Variants in MCM3 observed in about 807,000 individuals in gnomAD.
The protein encoded by MCM3 is minichromosome maintenance complex component 3, also known as DNA replication licensing factor MCM3.
A neutral mutation model predicts 91.3 loss-of-function variants in MCM3; 59 were observed. That is an observed-to-expected ratio of 0.65 (90% CI 0.52 to 0.80). MCM3 has a LOEUF of 0.80. MCM3 is among the 30% of genes least tolerant of loss of function. MCM3 has a pLI of 0.00. For missense variants in MCM3, 919 were observed against 1,035.4 expected (o/e 0.89, Z 1.54); for synonymous variants, 383 against 379.6 (o/e 1.01, Z -0.10).
rs1764451003 is a variant in MCM3 at position 52,264,078 on chromosome 6, T to C, written c.*510A>G. The C allele has an allele frequency of 6.2e-6, 1 of 160,896 alleles. No homozygotes were observed. The highest frequency in any genetic ancestry group is 2.4e-5 in the African/African-American group (1 of 41,502). 10.0% of individuals were successfully genotyped at this position (160,896 alleles called of 1,614,324 possible). A position where few individuals can be genotyped will look rare whatever the true frequency, so the allele number is the denominator to read the frequency against. The stretch of plus-strand genomic sequence containing the variant: ...GATATTCATCTGGATATTGGGTTTG[T>C]TTTGTGATACAATACATATTCACCT... On this transcript the variant is annotated 3_prime_UTR_variant, in exon 17 of 17. Coordinates refer to ENST00000596288, the MANE Select transcript of MCM3 (RefSeq NM_002388.6).
chr6:52,275,231 A>G (rs758521252), intron 9 of MCM3, among the ~76,000 whole-genome samples: 12 of 152,238 alleles, frequency 7.9e-5, no homozygotes, highest in Non-Finnish European at 1.5e-4. Flanking sequence ...ACACCATCGC[A>G]TCGCAACAAG....
At chr6:52,281,990 A>G (rs1766138928) in intron 4 of MCM3, 55 bp downstream of exon 4, 11 of 1,585,850 alleles carry the variant, frequency 6.9e-6, no homozygotes, top group Non-Finnish European at 9.5e-6. Context: ...TTGCCTTAAA[A>G]CAGGTATCTT....
intron 8 of MCM3, 139 bp from the exon 9 acceptor site, chr6:52,276,615 A>T: frequency 1.4e-6 from 1 of 706,918 alleles, no homozygotes; most frequent in Non-Finnish European, 2.3e-6. Flanking sequence ...CGAGAAACTT[A>T]GAGGAAACCC....
At position 52,266,159 on chromosome 6, in the gene MCM3, T is replaced by C. The variant is rs1175691155; in HGVS notation, c.2159-15A>G. The C allele has an allele frequency of 1.9e-6, 3 of 1,608,054 alleles. No homozygotes were observed. The highest frequency in any genetic ancestry group is 1.1e-5 in the South Asian group (1 of 90,962). Reference sequence around the variant, plus strand: ...TGGAGTGTGTACTTCAGAGGGTTGATGGTTGTAGAGATGGGGAAGATAAGC... The same window carrying C: ...TGGAGTGTGTACTTCAGAGGGTTGACGGTTGTAGAGATGGGGAAGATAAGC... On this transcript the variant is annotated splice_polypyrimidine_tract_variant and intron_variant, in intron 15 of 16. Coordinates refer to ENST00000596288, the MANE Select transcript of MCM3 (RefSeq NM_002388.6).
intron 12 of MCM3, among the ~76,000 whole-genome samples, chr6:52,270,468 A>G (rs1179168088): frequency 6.6e-6 from 1 of 152,228 alleles, no homozygotes; most frequent in East Asian, 1.9e-4. Context: ...TATATCCACA[A>G]TGACATTCAA....
chr6:52,264,355 AAT>A lies in MCM3; in HGVS notation c.*231_*232del, dbSNP rs1437698111. ...GCCAGTGCTTTTGCAATGAAGATGCAATAGTCATTGTCCTCTCCCACTGTCTC... is the reference window on the plus strand; with the variant it reads ...GCCAGTGCTTTTGCAATGAAGATGCAAGTCATTGTCCTCTCCCACTGTCTC... On this transcript the variant is annotated 3_prime_UTR_variant, in exon 17 of 17. Transcript: ENST00000596288. 3 of 520,354 alleles carry A rather than the reference AAT, an allele frequency of 5.8e-6. No homozygotes were observed. The highest frequency in any genetic ancestry group is 1.0e-5 in the Non-Finnish European group (3 of 287,430). The allele number at this position is 520,354 out of a possible 1,614,324, so 32.2% of individuals were successfully genotyped here.
chr6:52,266,051 G>C (rs1439278857), intron 16 of MCM3, 24 bp downstream of exon 16: 1 of 1,607,998 alleles, frequency 6.2e-7, no homozygotes. Context: ...TTCTTGAAGG[G>C]GCAGGAGCAA....
chr6:52,264,873 T>C, intron 16 of MCM3, 87 bp from the exon 17 acceptor site: 1 of 1,099,672 alleles, frequency 9.1e-7, no homozygotes, highest in South Asian at 1.3e-5. Context: ...TCCATAGTAT[T>C]AATACAGTAG....
chr6:52,279,492 G>C lies in MCM3; in HGVS notation c.639C>G (p.Leu213=), dbSNP rs553819985. The part of the protein sequence containing the change: ...EMPEKAPAGQ[L]PRSVDVILDD... The stretch of plus-strand genomic sequence containing the variant: ...CCAGAATGACGTCCACAGAGCGGGG[G>C]AGCTGGCCGGCTGGGGCCTTCTCCG... Residue 213 remains leucine, a synonymous_variant, in exon 5 of 17, where the codon CTC becomes CTG. Coordinates refer to ENST00000596288, the MANE Select transcript of MCM3 (RefSeq NM_002388.6). 3.7e-6 allele frequency: 6 copies of C among 1,614,180 alleles called. No individual in the cohort carries two copies. Among genetic ancestry groups the C allele is most frequent in the Non-Finnish European group, 4.2e-6 (5 of 1,180,040 alleles).
intron 11 of MCM3, among the ~76,000 whole-genome samples, chr6:52,272,860 C>T (rs760133649): frequency 1.3e-5 from 2 of 152,200 alleles, no homozygotes; most frequent in Non-Finnish European, 2.9e-5. Flanking sequence ...CCTGATCACA[C>T]GTCTCCTTCA....
At chr6:52,284,532 T>G (rs1766469690) in intron 1 of MCM3, 65 bp downstream of exon 1, 1 of 1,485,658 alleles carries the variant, frequency 6.7e-7, no homozygotes, top group African/African-American at 1.4e-5. Context: ...GCCTCTGGCT[T>G]CCCGGCCGGG....
intron 14 of MCM3, among the ~76,000 whole-genome samples, chr6:52,267,086 AG>A (rs1764695572): frequency 8.2e-6 from 1 of 122,068 alleles, no homozygotes; most frequent in Non-Finnish European, 1.8e-5. Context: ...TCTTTTACCC[AG>A]GGTATCTTCT....
chr6:52,268,944 T>TGA, intron 13 of MCM3, 142 bp downstream of exon 13: 1 of 826,034 alleles, frequency 1.2e-6, no homozygotes, highest in Non-Finnish European at 1.9e-6. Context: ...GAGGAAAGAG[T>TGA]GAGGCAGACT....
chr6:52,270,951 G>C (rs2128277659), intron 12 of MCM3, among the ~76,000 whole-genome samples: 1 of 152,310 alleles, frequency 6.6e-6, no homozygotes, highest in Non-Finnish European at 1.5e-5. Context: ...CCGGGCTCAT[G>C]CCTATAATCC....
In MCM3 at chr6:52,266,164, G is replaced by A. The variant is rs369996820; in HGVS notation, c.2159-20C>T. ...TGTGTACTTCAGAGGGTTGATGGTT[G>A]TAGAGATGGGGAAGATAAGCAAGGT... On this transcript the variant is annotated intron_variant, in intron 15 of 16. Coordinates refer to ENST00000596288, the MANE Select transcript of MCM3 (RefSeq NM_002388.6). 10 of 1,596,778 alleles carry A rather than the reference G, an allele frequency of 6.3e-6. No individual in the cohort carries two copies. The highest frequency in any genetic ancestry group is 8.6e-6 in the Non-Finnish European group (10 of 1,164,388).
intron 9 of MCM3, among the ~76,000 whole-genome samples, chr6:52,274,288 T>TG (rs1765379830): frequency 6.6e-6 from 1 of 152,150 alleles, no homozygotes; most frequent in Non-Finnish European, 1.5e-5. Flanking sequence ...CAGGGCAAGT[T>TG]GGTTAGGCTA....
At position 52,265,101 on chromosome 6, in the gene MCM3, A is replaced by G. The variant is rs537041516; in HGVS notation, c.2229-315T>C. On this transcript the variant is annotated intron_variant, in intron 16 of 16. Transcript: ENST00000596288. ...GTATATCCTTTGGCCCAGGGAGCCC[A>G]TTTCTAGGAACTCACCTTATAGCTA... is the stretch of plus-strand genomic sequence containing the variant. 3.2e-3 allele frequency: 1,256 copies of G among 390,638 alleles called. 3 individuals are homozygous for G. The highest frequency in any genetic ancestry group is 4.5e-3 in the Admixed American group (116 of 25,546). The allele number at this position is 390,638 out of a possible 1,614,324, so 24.2% of individuals were successfully genotyped here. A position where few individuals can be genotyped will look rare whatever the true frequency, so the allele number is the denominator to read the frequency against.
Position 52,264,533 on chromosome 6 carries a change from G to A in MCM3, c.*55C>T. ...CAAAGACTTGGGTCAGGGAGAGGGT[G>A]GGAAACACAGAACAAACTCTCTCGG... On this transcript the variant is annotated 3_prime_UTR_variant, in exon 17 of 17. Transcript: ENST00000596288. 1 of 1,587,996 alleles carries A rather than the reference G, an allele frequency of 6.3e-7. No individual in the cohort carries two copies. The highest frequency in any genetic ancestry group is 8.6e-7 in the Non-Finnish European group (1 of 1,157,174).
At chr6:52,278,633 A>C in intron 6 of MCM3, 109 bp downstream of exon 6, 1 of 657,704 alleles carries the variant, frequency 1.5e-6, no homozygotes, top group Non-Finnish European at 2.6e-6. Flanking sequence ...GAAAAAGCTA[A>C]CACCAAACCT....
Sources: gnomAD v4.1 joint callset for allele counts (sites outside exome capture counted in the v4.1 genomes callset) on GRCh38, gnomAD v4.1.1 for gene constraint, MANE v1.5 for transcripts, NCBI Gene and HGNC (gene_info 2026-07-23, HGNC 2026-07-21) for gene names.